SPSB4: variants seen among roughly 807,000 people sequenced by gnomAD.
SPSB4 encodes SPRY domain-containing SOCS box protein 4.
Under a neutral mutation model 20.9 loss-of-function variants are expected in SPSB4, and 21 were observed. The observed-to-expected ratio is 1.01, with a 90% CI of 0.71 to 1.45. The LOEUF is 1.45. SPSB4 is among the 40% of genes most tolerant of loss of function. The probability of loss-of-function intolerance (pLI) is 0.00; values close to 1 mark genes in which losing one functional copy is unlikely to be tolerated. For synonymous variants in SPSB4, 207 were observed against 183.8 expected (o/e 1.13, Z -1.02); for missense variants, 399 against 399.2 (o/e 1.00, Z 0.00).
chr3:141,100,764 G>T (rs1279132361), intron 2 of SPSB4, among the ~76,000 whole-genome samples: 1 of 152,202 alleles, frequency 6.6e-6, no homozygotes, highest in Non-Finnish European at 1.5e-5. Flanking sequence ...GGCGGCAGGA[G>T]GGGAGAGGAG....
intron 2 of SPSB4, among the ~76,000 whole-genome samples, chr3:141,103,709 A>T (rs1938647116): frequency 6.6e-6 from 1 of 152,182 alleles, no homozygotes; most frequent in South Asian, 2.1e-4. Flanking sequence ...CATGAGGGAC[A>T]CAGAACAGCC....
intron 2 of SPSB4, among the ~76,000 whole-genome samples, chr3:141,134,498 T>C (rs1939192308): frequency 6.6e-6 from 1 of 152,226 alleles, no homozygotes; most frequent in Non-Finnish European, 1.5e-5. Flanking sequence ...GTCCCTTCTA[T>C]GCCAATTTTG....
chr3:141,064,762 C>G (rs570663730), intron 1 of SPSB4, among the ~76,000 whole-genome samples: 4 of 152,322 alleles, frequency 2.6e-5, no homozygotes, highest in African/African-American at 9.6e-5. Flanking sequence ...CTGCTCTGGA[C>G]AGGGCTTGGC....
At chr3:141,104,151 C>T (rs1412377584) in intron 2 of SPSB4, among the ~76,000 whole-genome samples, 1 of 152,164 alleles carries the variant, frequency 6.6e-6, no homozygotes, top group Non-Finnish European at 1.5e-5. Flanking sequence ...CAAGGAGTGC[C>T]TGCAGGTCCC....
At chr3:141,076,413 C>T (rs895236753) in intron 2 of SPSB4, among the ~76,000 whole-genome samples, 5 of 152,226 alleles carry the variant, frequency 3.3e-5, no homozygotes, top group African/African-American at 1.2e-4. Context: ...CATGAATGTT[C>T]CTGTGAGGAT....
intron 2 of SPSB4, among the ~76,000 whole-genome samples, chr3:141,125,198 A>T (rs1479709414): frequency 6.6e-6 from 1 of 152,180 alleles, no homozygotes; most frequent in Non-Finnish European, 1.5e-5. Flanking sequence ...TTTTTTTCAT[A>T]TGAAGAACTG....
chr3:141,105,725 G>A (rs917327817), intron 2 of SPSB4, among the ~76,000 whole-genome samples: 1 of 152,194 alleles, frequency 6.6e-6, no homozygotes, highest in African/African-American at 2.4e-5. Flanking sequence ...GAAGAGGCAA[G>A]TAATTAATAA....
chr3:141,134,600 T>A (rs1006151653), intron 2 of SPSB4, among the ~76,000 whole-genome samples: 5 of 152,216 alleles, frequency 3.3e-5, no homozygotes, highest in African/African-American at 1.2e-4. Flanking sequence ...TTTAATTATG[T>A]TTATGTGATG....
chr3:141,094,221 C>T (rs1938509542), intron 2 of SPSB4, among the ~76,000 whole-genome samples: 2 of 152,226 alleles, frequency 1.3e-5, no homozygotes, highest in Non-Finnish European at 2.9e-5. Flanking sequence ...AGTCTCCTCC[C>T]GCCATGGCCC....
chr3:141,100,886 G>A (rs911322834), intron 2 of SPSB4, among the ~76,000 whole-genome samples: 41 of 152,132 alleles, frequency 2.7e-4, no homozygotes, highest in African/African-American at 9.7e-4. Flanking sequence ...GTAGCCCTCT[G>A]GTGAATGCTT....
chr3:141,144,654 G>C (rs1939383639), intron 2 of SPSB4, among the ~76,000 whole-genome samples: 1 of 152,218 alleles, frequency 6.6e-6, no homozygotes, highest in Non-Finnish European at 1.5e-5. Flanking sequence ...TTCACATTTA[G>C]AGCTAGCAAC....
Position 141,056,141 on chromosome 3 carries a change from G to A in SPSB4, c.-154+4149G>A, listed in dbSNP as rs1443969899. On this transcript the variant is annotated intron_variant, in intron 1 of 2. Coordinates refer to ENST00000310546, the MANE Select transcript of SPSB4 (RefSeq NM_080862.3). ...GCTGTGGTAAGCTCTACACTTCAAT[G>A]TGCTGGTATGTGTGGTGGGAGACGC... Among the ~76,000 whole-genome samples the A allele has an allele frequency of 2.0e-5, 3 of 152,240 alleles. No homozygotes were observed. The South Asian group carries it at 6.2e-4, about 31-fold the overall frequency.
In SPSB4 at chr3:141,066,120, T is replaced by G; in HGVS notation, c.16T>G (p.Ser6Ala). The G allele has an allele frequency of 6.5e-7, 1 of 1,529,260 alleles. No individual in the cohort carries two copies. Among genetic ancestry groups the G allele is most frequent in the South Asian group, 1.2e-5 (1 of 83,206 alleles). 94.7% of individuals were successfully genotyped at this position (1,529,260 alleles called of 1,614,324 possible). Residue 6 changes from serine to alanine, a missense_variant, in exon 2 of 3, where the codon TCG becomes GCG. Physicochemically the swap from Ser to Ala is moderately conservative, Grantham distance 99 (BLOSUM62 1). Coordinates refer to ENST00000310546, the MANE Select transcript of SPSB4 (RefSeq NM_080862.3). ...GCAGTGAAGCATGGGCCAGAAGCTCTCGGGGAGCCTCAAGTCAGTGGAGGT... is the reference window on the plus strand; with the variant it reads ...GCAGTGAAGCATGGGCCAGAAGCTCGCGGGGAGCCTCAAGTCAGTGGAGGT... MGQKL[S>A]GSLKSVEVRE...
intron 2 of SPSB4, among the ~76,000 whole-genome samples, chr3:141,105,730 T>C (rs1938676987): frequency 6.6e-6 from 1 of 152,210 alleles, no homozygotes; most frequent in South Asian, 2.1e-4. Flanking sequence ...GGCAAGTAAT[T>C]AATAAAGAAG....
intron 2 of SPSB4, among the ~76,000 whole-genome samples, chr3:141,141,557 A>T (rs1939329828): frequency 1.3e-5 from 2 of 152,200 alleles, no homozygotes; most frequent in East Asian, 1.9e-4. Flanking sequence ...GACACAGAAG[A>T]GGGAGATGAT....
At chr3:141,128,444 T>C (rs1939081964) in intron 2 of SPSB4, among the ~76,000 whole-genome samples, 1 of 151,922 alleles carries the variant, frequency 6.6e-6, no homozygotes, top group African/African-American at 2.4e-5. Flanking sequence ...CCAAGTGGTG[T>C]AGTGGTGTGA....
At chr3:141,079,274 AAAAAG>A (rs1471330297) in intron 2 of SPSB4, among the ~76,000 whole-genome samples, 1 of 151,926 alleles carries the variant, frequency 6.6e-6, no homozygotes, top group Non-Finnish European at 1.5e-5. Context: ...CAAAAAAAAA[AAAAAG>A]AAAAGCACAT....
chr3:141,076,013 C>G (rs1264974844), intron 2 of SPSB4, among the ~76,000 whole-genome samples: 2 of 151,864 alleles, frequency 1.3e-5, no homozygotes, highest in African/African-American at 4.8e-5. Context: ...GAGCTGAGAT[C>G]GAGCCACTGC....
intron 2 of SPSB4, among the ~76,000 whole-genome samples, chr3:141,093,517 T>C (rs1559847166): frequency 1.3e-5 from 2 of 151,908 alleles, no homozygotes; most frequent in Admixed American, 6.6e-5. Flanking sequence ...TGCATCACAG[T>C]GTTTGAGCTT....
Sources: gnomAD v4.1 joint callset for allele counts (sites outside exome capture counted in the v4.1 genomes callset) on GRCh38, gnomAD v4.1.1 for gene constraint, MANE v1.5 for transcripts, NCBI Gene and HGNC (gene_info 2026-07-23, HGNC 2026-07-21) for gene names.